The following HIVEP1 variants were observed in gnomAD, a reference collection of about 807,000 sequenced individuals.
HIVEP1 encodes the protein zinc finger protein 40.
Under a neutral mutation model 180.0 loss-of-function variants are expected in HIVEP1, and 36 were observed. That is an observed-to-expected ratio of 0.20 (90% confidence interval 0.15 to 0.26). The LOEUF is 0.26. HIVEP1 is among the 10% of genes least tolerant of loss of function. The pLI, the probability that HIVEP1 is intolerant of heterozygous loss-of-function variation, is 1.00. For synonymous variants in HIVEP1, 1,239 were observed against 1,239.0 expected (o/e 1.00, Z 0.00); for missense variants, 3,143 against 3,268.7 (o/e 0.96, Z 0.94).
At chr6:12,014,799 CAAAT>C (rs1049394412) in intron 1 of HIVEP1, among the ~76,000 whole-genome samples, 8 of 152,192 alleles carry the variant, frequency 5.3e-5, no homozygotes, top group Non-Finnish European at 7.3e-5. Context: ...GCTGCAGTAA[CAAAT>C]AACTCTCAAA....
At position 12,163,629 on chromosome 6, in the gene HIVEP1, G is replaced by T. The variant is rs1336113393; in HGVS notation, c.7325G>T (p.Arg2442Met). ...GTTCACAGAACTTTGGGTACTCATAGGAATACGGTCACAGAAGTGTCTGGC... is the reference window on the plus strand; with the variant it reads ...GTTCACAGAACTTTGGGTACTCATATGAATACGGTCACAGAAGTGTCTGGC... ...SVVHRTLGTH[R>M]NTVTEVSGTT... Residue 2442 changes from arginine to methionine, a missense_variant, in exon 9 of 9, where the codon AGG (arginine) becomes ATG (methionine). By Grantham distance (91) the Arg-to-Met change is moderately conservative (BLOSUM62 -1). Transcript: ENST00000379388. 6.2e-7 allele frequency: 1 copy of T among 1,614,124 alleles called. No homozygotes were observed. Among genetic ancestry groups the T allele is most frequent in the Non-Finnish European group, 8.5e-7 (1 of 1,180,024 alleles).
At position 12,121,661 on chromosome 6, in the gene HIVEP1, C is replaced by T. The variant is rs765437770; in HGVS notation, c.1866C>T (p.Ser622=). 6 of 1,613,994 alleles carry T rather than the reference C, an allele frequency of 3.7e-6. No individual in the cohort carries two copies. The highest frequency in any genetic ancestry group is 5.1e-6 in the Non-Finnish European group (6 of 1,180,020). Reference sequence around the variant, plus strand: ...CCAGGTTGGAGACTAATGAGAATTCCCACCAGAAAGGCGACATGAATCCAC... The same window carrying T: ...CCAGGTTGGAGACTAATGAGAATTCTCACCAGAAAGGCGACATGAATCCAC... The part of the protein sequence containing the change: ...GVSRLETNEN[S]HQKGDMNPLE... Residue 622 remains serine, a synonymous_variant, in exon 4 of 9, where the codon TCC becomes TCT. Coordinates refer to ENST00000379388, the MANE Select transcript of HIVEP1 (RefSeq NM_002114.4). The surrounding 1 kb of genome is among the most constrained non-coding windows in gnomAD (Gnocchi z 5.3).
chr6:12,131,874 G>C (rs1758440794), intron 6 of HIVEP1, among the ~76,000 whole-genome samples: 2 of 149,906 alleles, frequency 1.3e-5, no homozygotes. Context: ...TCTTATGCTG[G>C]TTGTCTTTGC....
At chr6:12,024,891 T>G (rs1768476156) in intron 2 of HIVEP1, among the ~76,000 whole-genome samples, 1 of 152,158 alleles carries the variant, frequency 6.6e-6, no homozygotes, top group Admixed American at 6.5e-5. Flanking sequence ...TGGAGGTCAT[T>G]TAGTTCAGCC....
At chr6:12,197,496 T>G in the HIVEP1 span, among the ~76,000 whole-genome samples, 16 of 140,772 alleles carry the variant, frequency 1.1e-4, no homozygotes, top group African/African-American at 4.3e-4. Context: ...GAGGTTGCAG[T>G]GAGCCGAGGT....
chr6:12,205,010 G>A, the HIVEP1 span, among the ~76,000 whole-genome samples: 3 of 152,300 alleles, frequency 2.0e-5, no homozygotes, highest in Admixed American at 2.0e-4. Context: ...CTGGGGCAGA[G>A]AGCGCCTGTG....
chr6:12,018,287 GCTGAGGGAGCCGGCTCTGGC>G (rs1281161226), intron 2 of HIVEP1, among the ~76,000 whole-genome samples: 1 of 152,234 alleles, frequency 6.6e-6, no homozygotes, highest in Admixed American at 6.5e-5. Context: ...CTCCCTGCAA[GCTGAGGGAGCCGGCTCTGGC>G]CTGGGCCATC....
At chr6:12,098,252 G>A (rs1159075989) in intron 3 of HIVEP1, among the ~76,000 whole-genome samples, 3 of 152,040 alleles carry the variant, frequency 2.0e-5, no homozygotes, top group Non-Finnish European at 4.4e-5. Flanking sequence ...TACATTTTTT[G>A]ACAAGAAAGA....
intron 7 of HIVEP1, among the ~76,000 whole-genome samples, chr6:12,158,908 A>G (rs1760225831): frequency 6.6e-6 from 1 of 152,142 alleles, no homozygotes; most frequent in Non-Finnish European, 1.5e-5. Flanking sequence ...CATATCTGGA[A>G]CACAGCGGAC....
At position 12,123,351 on chromosome 6, in the gene HIVEP1, CCTT is replaced by C; in HGVS notation, c.3559_3561del (p.Ser1187del). 6.2e-7 allele frequency: 1 copy of C among 1,614,112 alleles called. No homozygotes were observed. The highest frequency in any genetic ancestry group is 8.5e-7 in the Non-Finnish European group (1 of 1,180,014). On this transcript the variant is annotated inframe_deletion, in exon 4 of 9. Coordinates refer to ENST00000379388, the MANE Select transcript of HIVEP1 (RefSeq NM_002114.4). ...AGGAATCTCCCAAGAGGAAAGTCAC[CCTT>C]CTCGGGACGGGTCTCATCCTCACCA...
chr6:12,075,531 TACA>T (rs1161676478), intron 2 of HIVEP1, among the ~76,000 whole-genome samples: 3 of 152,016 alleles, frequency 2.0e-5, no homozygotes, highest in African/African-American at 4.8e-5. Context: ...TTACTAACAC[TACA>T]ACAACACGTG....
At chr6:12,040,578 G>A (rs1051555332) in intron 2 of HIVEP1, among the ~76,000 whole-genome samples, 7 of 152,158 alleles carry the variant, frequency 4.6e-5, no homozygotes, top group African/African-American at 1.7e-4. Flanking sequence ...CACTCTTTGT[G>A]AAACACCCAA....
Position 12,121,075 on chromosome 6 carries a change from C to G in HIVEP1, c.1280C>G (p.Ser427Cys). Residue 427 changes from serine to cysteine, a missense_variant, in exon 4 of 9, where the codon TCC becomes TGC. Physicochemically the swap from Ser to Cys is moderately radical, Grantham distance 112 (BLOSUM62 -1). Transcript: ENST00000379388. The surrounding 1 kb of genome is among the most constrained non-coding windows in gnomAD (Gnocchi z 5.3). ...AGTGTGCTTTTAAAGCATATCCGCT[C>G]CCACACTGGAGAGCGACCCTATCCC... The part of the protein sequence containing the change: ...KPSVLLKHIR[S>C]HTGERPYPCV... 1 of 1,614,148 alleles carries G rather than the reference C, an allele frequency of 6.2e-7. No individual in the cohort carries two copies. The highest frequency in any genetic ancestry group is 1.1e-5 in the South Asian group (1 of 91,080).
rs187696259 is a variant in HIVEP1 at position 12,140,083 on chromosome 6, G to A, written c.6487+4191G>A. On this transcript the variant is annotated intron_variant, in intron 7 of 8. Transcript: ENST00000379388. ...TAGCCTAACTAGGAGACACCTCCCC[G>A]TAGGGGCCGACTGACACCTCATACA... 2.6e-3 allele frequency among the ~76,000 whole-genome samples: 400 copies of A among 152,330 alleles called. 3 individuals are homozygous for A. The highest frequency in any genetic ancestry group is 7.5e-3 in the African/African-American group (311 of 41,596).
intron 2 of HIVEP1, among the ~76,000 whole-genome samples, chr6:12,035,133 T>G (rs1270049518): frequency 2.0e-5 from 3 of 152,216 alleles, no homozygotes; most frequent in Non-Finnish European, 4.4e-5. Flanking sequence ...CACATGGTCT[T>G]GGCTAAAATT....
chr6:12,094,479 C>T (rs898936514), intron 3 of HIVEP1, among the ~76,000 whole-genome samples: 1 of 151,750 alleles, frequency 6.6e-6, no homozygotes, highest in Non-Finnish European at 1.5e-5. Context: ...TTTTTAGTTG[C>T]TTAAAGGTGT....
intron 2 of HIVEP1, among the ~76,000 whole-genome samples, chr6:12,086,694 C>G (rs1449594821): frequency 6.6e-6 from 1 of 151,996 alleles, no homozygotes; most frequent in Non-Finnish European, 1.5e-5. Context: ...GCAGGCAGCC[C>G]TGAAATTAAT....
the HIVEP1 span, among the ~76,000 whole-genome samples, chr6:12,182,746 G>T: frequency 1.3e-5 from 2 of 152,166 alleles, no homozygotes; most frequent in African/African-American, 4.8e-5. Context: ...TGCATCAAAA[G>T]AGTCTTGCGA....
chr6:12,205,517 GC>G, the HIVEP1 span, among the ~76,000 whole-genome samples: 1 of 152,068 alleles, frequency 6.6e-6, no homozygotes, highest in East Asian at 1.9e-4. Flanking sequence ...ATGATCTACT[GC>G]ACGGTACAGT....
Sources: gnomAD v4.1 joint callset for allele counts (sites outside exome capture counted in the v4.1 genomes callset) on GRCh38, gnomAD v4.1.1 for gene constraint, Gnocchi (gnomAD v3.1) non-coding constraint, MANE v1.5 for transcripts, NCBI Gene and HGNC (gene_info 2026-07-23, HGNC 2026-07-21) for gene names.